Variants in PDE4D observed in about 807,000 individuals in gnomAD.
PDE4D encodes 3',5'-cyclic-AMP phosphodiesterase 4D.
In PDE4D, 24 loss-of-function variants were observed where a neutral mutation model predicts 87.4. That is an observed-to-expected ratio of 0.27 (90% confidence interval 0.20 to 0.39). PDE4D has a LOEUF of 0.39. Ranked by LOEUF, PDE4D falls within the 10% of genes least tolerant of loss-of-function variation. The pLI, the probability that PDE4D is intolerant of heterozygous loss-of-function variation, is 1.00. For synonymous variants in PDE4D, 384 were observed against 383.2 expected, an observed-to-expected ratio of 1.00 and a Z score of -0.02; for missense variants, 714 against 1,041.0, an observed-to-expected ratio of 0.69 and a Z score of 4.32.
At chr5:60,484,535 T>C (rs1426472500) in intron 1 of PDE4D, among the ~76,000 whole-genome samples, 2 of 152,192 alleles carry the variant, frequency 1.3e-5, no homozygotes, top group African/African-American at 4.8e-5. Flanking sequence ...TATACGACTA[T>C]GGCACATGGA....
intron 1 of PDE4D, among the ~76,000 whole-genome samples, chr5:59,775,202 C>A (rs1409407651): frequency 6.6e-6 from 1 of 152,074 alleles, no homozygotes; most frequent in African/African-American, 2.4e-5. Flanking sequence ...GTTTTGATAG[C>A]CACTAAATGT....
intron 1 of PDE4D, among the ~76,000 whole-genome samples, chr5:59,254,139 TAA>T (rs954707228): frequency 3.9e-5 from 6 of 152,010 alleles, no homozygotes; most frequent in Non-Finnish European, 7.4e-5. Flanking sequence ...GTGCGGAAAG[TAA>T]AGACTCCCTC....
chr5:59,738,713 T>C (rs966299822), intron 1 of PDE4D, among the ~76,000 whole-genome samples: 3 of 151,696 alleles, frequency 2.0e-5, no homozygotes, highest in African/African-American at 7.3e-5. Context: ...CATAATAATA[T>C]AAAATATATT....
chr5:60,514,916 A>G (rs1341672460), intron 1 of PDE4D, among the ~76,000 whole-genome samples: 1 of 152,148 alleles, frequency 6.6e-6, no homozygotes, highest in Non-Finnish European at 1.5e-5. Context: ...ATTCTTAGAC[A>G]ATGTGATTGT....
At chr5:59,354,523 T>C (rs58583404) in intron 1 of PDE4D, among the ~76,000 whole-genome samples, 1 of 152,168 alleles carries the variant, frequency 6.6e-6, no homozygotes, top group African/African-American at 2.4e-5. Context: ...TGTATATATA[T>C]AGAGTGACTC....
At chr5:60,324,735 A>T (rs915706609) in intron 1 of PDE4D, among the ~76,000 whole-genome samples, 2 of 152,270 alleles carry the variant, frequency 1.3e-5, no homozygotes, top group African/African-American at 2.4e-5. Flanking sequence ...ATACATGACC[A>T]GGGACAAATT....
chr5:59,503,929 A>G (rs1432193657), intron 1 of PDE4D, among the ~76,000 whole-genome samples: 1 of 152,156 alleles, frequency 6.6e-6, no homozygotes, highest in Non-Finnish European at 1.5e-5. Flanking sequence ...GTTATTCTGT[A>G]TTCCCATGTT....
intron 6 of PDE4D, among the ~76,000 whole-genome samples, chr5:59,027,886 C>T (rs1756540289): frequency 6.6e-6 from 1 of 151,836 alleles, no homozygotes; most frequent in South Asian, 2.1e-4. Flanking sequence ...GGTATGGTAG[C>T]TTCTAGACCC....
At chr5:59,621,568 T>C (rs567740171) in intron 1 of PDE4D, among the ~76,000 whole-genome samples, 1 of 152,340 alleles carries the variant, frequency 6.6e-6, no homozygotes, top group African/African-American at 2.4e-5. Context: ...GGCTAATTCC[T>C]AGTAGTTTCT....
chr5:59,240,779 A>AACACAC (rs747637745), intron 1 of PDE4D, among the ~76,000 whole-genome samples: 2 of 78,054 alleles, frequency 2.6e-5, no homozygotes, highest in African/African-American at 1.1e-4. Context: ...AAAATTCACA[A>AACACAC]ACACACACAC....
At chr5:59,648,880 A>AT (rs1313488513) in intron 1 of PDE4D, among the ~76,000 whole-genome samples, 1 of 152,180 alleles carries the variant, frequency 6.6e-6, no homozygotes, top group Non-Finnish European at 1.5e-5. Context: ...TACAAAGAAT[A>AT]TTTTTCTAAA....
chr5:59,565,540 A>G (rs1386934361), intron 1 of PDE4D, among the ~76,000 whole-genome samples: 1 of 152,110 alleles, frequency 6.6e-6, no homozygotes, highest in Non-Finnish European at 1.5e-5. Context: ...TAAAACAACA[A>G]CCAAAAAAAC....
intron 1 of PDE4D, among the ~76,000 whole-genome samples, chr5:59,759,119 T>C (rs904447982): frequency 3.3e-5 from 5 of 152,162 alleles, no homozygotes; most frequent in Admixed American, 2.0e-4. Flanking sequence ...CTGAAAGTGC[T>C]ACTTGAAGAA....
intron 3 of PDE4D, among the ~76,000 whole-genome samples, chr5:59,936,769 T>C (rs892076738): frequency 9.2e-5 from 14 of 152,190 alleles, no homozygotes; most frequent in Admixed American, 2.0e-4. Context: ...TAATGTAACA[T>C]TGACATCATG....
intron 1 of PDE4D, among the ~76,000 whole-genome samples, chr5:59,684,199 C>T (rs1018029188): frequency 1.3e-5 from 2 of 152,168 alleles, no homozygotes; most frequent in Non-Finnish European, 1.5e-5. Flanking sequence ...CACTGCCCTC[C>T]CTTCTTTCCC....
chr5:59,589,900 T>A (rs1825684315), intron 1 of PDE4D, among the ~76,000 whole-genome samples: 1 of 152,182 alleles, frequency 6.6e-6, no homozygotes, highest in Non-Finnish European at 1.5e-5. Flanking sequence ...TACATGCAAC[T>A]GTCTAGAATA....
At chr5:59,042,057 A>G (rs114042705) in intron 5 of PDE4D, among the ~76,000 whole-genome samples, 19 of 152,352 alleles carry the variant, frequency 1.2e-4, no homozygotes, top group African/African-American at 4.6e-4. Context: ...TAACATCTGT[A>G]TAAATAAGAA....
intron 1 of PDE4D, among the ~76,000 whole-genome samples, chr5:60,395,305 T>TC (rs1762815704): frequency 6.6e-6 from 1 of 151,948 alleles, no homozygotes; most frequent in Non-Finnish European, 1.5e-5. Flanking sequence ...ATGTAAGGTT[T>TC]TTTTTTTAAT....
intron 1 of PDE4D, among the ~76,000 whole-genome samples, chr5:59,765,941 C>A (rs1483992029): frequency 1.3e-5 from 2 of 152,096 alleles, no homozygotes; most frequent in South Asian, 4.1e-4. Context: ...TAATTAGGTA[C>A]AGAATAAACA....
Sources: allele counts gnomAD v4.1 joint callset (sites outside exome capture counted in the v4.1 genomes callset), GRCh38; gene constraint gnomAD v4.1.1; transcripts MANE v1.5; gene names NCBI Gene and HGNC (gene_info 2026-07-23, HGNC 2026-07-21).